Variants in GRIK4 observed in about 807,000 individuals in gnomAD.
GRIK4 encodes glutamate ionotropic receptor kainate type subunit 4, also known as glutamate receptor ionotropic, kainate 4.
Under a neutral mutation model 104.9 loss-of-function variants are expected in GRIK4, and 40 were observed. The ratio of observed to expected loss-of-function variants is 0.38; its 90% CI spans 0.30 to 0.50. The LOEUF (loss-of-function observed/expected upper bound fraction) is 0.50. Among genes scored for constraint, GRIK4 ranks in the 20% least tolerant of loss-of-function variants. GRIK4 has a pLI of 0.93. For missense variants in GRIK4, 1,047 were observed against 1,308.1 expected, an observed-to-expected ratio of 0.80 and a Z score of 3.08; for synonymous variants, 485 against 524.9, an observed-to-expected ratio of 0.92 and a Z score of 1.04.
chr11:120,899,139 A>G (rs970805368), intron 12 of GRIK4, among the ~76,000 whole-genome samples: 2 of 152,198 alleles, frequency 1.3e-5, no homozygotes, highest in African/African-American at 4.8e-5. Context: ...GCAAGAGGCC[A>G]GGTGCAGTGG....
At chr11:120,950,309 T>C (rs969017816) in intron 14 of GRIK4, among the ~76,000 whole-genome samples, 5 of 152,238 alleles carry the variant, frequency 3.3e-5, no homozygotes, top group Non-Finnish European at 7.3e-5. Context: ...TTTGTTCGTG[T>C]GATGTTCTCT....
At chr11:120,643,403 G>T (rs1159514700) in intron 1 of GRIK4, among the ~76,000 whole-genome samples, 1 of 152,166 alleles carries the variant, frequency 6.6e-6, no homozygotes, top group Admixed American at 6.5e-5. Context: ...TGCAGGGTGT[G>T]CCTGAGGCAC....
chr11:120,531,801 C>G (rs1332650212), intron 1 of GRIK4, among the ~76,000 whole-genome samples: 1 of 152,076 alleles, frequency 6.6e-6, no homozygotes, highest in African/African-American at 2.4e-5. Flanking sequence ...GTCTCGGACT[C>G]CTGACCTCAG....
At chr11:120,888,493 A>G (rs1369582627) in intron 11 of GRIK4, among the ~76,000 whole-genome samples, 1 of 152,232 alleles carries the variant, frequency 6.6e-6, no homozygotes, top group African/African-American at 2.4e-5. Flanking sequence ...CTTAGCTTGT[A>G]TAATTTTCTT....
intron 3 of GRIK4, among the ~76,000 whole-genome samples, chr11:120,708,921 G>A (rs573051601): frequency 1.1e-5 from 1 of 89,522 alleles, no homozygotes; most frequent in Admixed American, 9.0e-5. Flanking sequence ...GGCTGCTTTC[G>A]ATGGGCCAGA....
intron 13 of GRIK4, among the ~76,000 whole-genome samples, chr11:120,906,953 A>AT (rs1942881190): frequency 6.6e-6 from 1 of 152,290 alleles, no homozygotes; most frequent in South Asian, 2.1e-4. Flanking sequence ...AAGGCTGCAG[A>AT]AGGCCTAGGG....
At chr11:120,920,306 C>T (rs1458338909) in intron 13 of GRIK4, among the ~76,000 whole-genome samples, 3 of 152,170 alleles carry the variant, frequency 2.0e-5, no homozygotes, top group East Asian at 1.9e-4. Flanking sequence ...CCTCTCCTTC[C>T]CTCCCCACGT....
intron 1 of GRIK4, among the ~76,000 whole-genome samples, chr11:120,606,299 A>G (rs1948961720): frequency 6.6e-6 from 1 of 152,116 alleles, no homozygotes; most frequent in Non-Finnish European, 1.5e-5. Context: ...CACGCTCCTC[A>G]GCGTCTCACT....
rs73584550 is a variant in GRIK4 at position 120,689,990 on chromosome 11, G to T, written c.82+29590G>T. 9.6e-3 allele frequency among the ~76,000 whole-genome samples: 1,458 copies of T among 152,280 alleles called. 16 individuals are homozygous for T. The highest frequency in any genetic ancestry group is 0.033 in the African/African-American group (1,365 of 41,532). ...GCTTTCCATGTGTTTTGCTCCAGGT[G>T]TCTCTTATTGTAATTAAAGTTTTTT... On this transcript the variant is annotated intron_variant, in intron 3 of 20. Transcript: ENST00000527524.
intron 3 of GRIK4, among the ~76,000 whole-genome samples, chr11:120,707,793 C>T (rs991897903): frequency 2.6e-5 from 4 of 152,124 alleles, no homozygotes; most frequent in African/African-American, 9.7e-5. Context: ...GAGGTGCTGT[C>T]AGAACTGAGG....
At chr11:120,753,297 CTGTGTGTG>C (rs57423619) in intron 3 of GRIK4, among the ~76,000 whole-genome samples, 9,746 of 130,182 alleles carry the variant, frequency 0.075, 510 homozygotes, top group Middle Eastern at 0.13. Context: ...CAACACAACT[CTGTGTGTG>C]TGTGTGTGTG....
rs147432551 is a variant in GRIK4, at chr11:120,761,871, G to A, written c.83-40822G>A. Among the ~76,000 whole-genome samples, 543 of 152,270 alleles carry A rather than the reference G, an allele frequency of 3.6e-3. 8 individuals are homozygous for A. The highest frequency in any genetic ancestry group is 0.022 in the East Asian group (115 of 5,186). ...CTTTAGCCTTGTAGCATAGTTTGAA[G>A]TCAGGTAGCATGATGCCTCCAGCTT... On this transcript the variant is annotated intron_variant, in intron 3 of 20. Transcript: ENST00000527524.
chr11:120,896,473 T>G (rs1459714202), intron 11 of GRIK4, among the ~76,000 whole-genome samples: 1 of 152,214 alleles, frequency 6.6e-6, no homozygotes, highest in Non-Finnish European at 1.5e-5. Context: ...CCAGGTGGCA[T>G]TCTTGCAGGG....
chr11:120,554,838 C>T (rs757527049), intron 1 of GRIK4, among the ~76,000 whole-genome samples: 17 of 152,170 alleles, frequency 1.1e-4, no homozygotes, highest in African/African-American at 2.2e-4. Context: ...GGATTACAGG[C>T]GTGAGCCACC....
At chr11:120,663,186 G>T (rs936337359) in intron 3 of GRIK4, among the ~76,000 whole-genome samples, 9 of 152,184 alleles carry the variant, frequency 5.9e-5, no homozygotes, top group African/African-American at 2.2e-4. Context: ...TAAATGCCCT[G>T]AGGAGACCCC....
rs575017144 is a variant in GRIK4 at position 120,775,410 on chromosome 11, G to A, written c.83-27283G>A. Among the ~76,000 whole-genome samples, 5 of 152,294 alleles carry A rather than the reference G, an allele frequency of 3.3e-5. No individual in the cohort carries two copies. In the South Asian group the frequency reaches 6.2e-4, roughly 19 times the overall value. ...ATCAGGCAGCCTGGGTTCTGGTCCC[G>A]ACTCTTCCCTTTATCACTGATGTGA... On this transcript the variant is annotated intron_variant, in intron 3 of 20. Coordinates refer to ENST00000527524, the MANE Select transcript of GRIK4 (RefSeq NM_014619.5).
chr11:120,644,068 GA>G (rs1176744934), intron 1 of GRIK4, among the ~76,000 whole-genome samples: 3 of 145,924 alleles, frequency 2.1e-5, no homozygotes, highest in Admixed American at 6.7e-5. Flanking sequence ...AGGAGAGAGA[GA>G]GAGAGAGAGA....
At chr11:120,522,770 G>A (rs1947810847) in intron 1 of GRIK4, among the ~76,000 whole-genome samples, 1 of 152,204 alleles carries the variant, frequency 6.6e-6, no homozygotes, top group Non-Finnish European at 1.5e-5. Context: ...CCCCTGGCCA[G>A]GAAGACAACA....
chr11:120,540,783 G>T (rs1948025588), intron 1 of GRIK4, among the ~76,000 whole-genome samples: 1 of 151,910 alleles, frequency 6.6e-6, no homozygotes, highest in Non-Finnish European at 1.5e-5. Context: ...ACAATAGCTT[G>T]CATCAGATTT....
Sources: gnomAD v4.1 joint callset for allele counts (sites outside exome capture counted in the v4.1 genomes callset) on GRCh38, gnomAD v4.1.1 for gene constraint, MANE v1.5 for transcripts, NCBI Gene and HGNC (gene_info 2026-07-23, HGNC 2026-07-21) for gene names.